BORCS5: variants seen among roughly 807,000 people sequenced by gnomAD.
BORCS5 encodes BLOC-1 related complex subunit 5, also known as BLOC-1-related complex subunit 5.
A neutral mutation model predicts 22.1 loss-of-function variants in BORCS5; 17 were observed. The observed-to-expected ratio is 0.77, with a 90% CI of 0.53 to 1.15. BORCS5 has a LOEUF of 1.15. Among genes scored for constraint, BORCS5 ranks in the 50% most tolerant of loss-of-function variants. The pLI, the probability that BORCS5 is intolerant of heterozygous loss-of-function variation, is 0.00. For missense variants in BORCS5, 247 were observed against 253.2 expected (o/e 0.98, Z 0.17); for synonymous variants, 117 against 99.8 (o/e 1.17, Z -1.03).
In BORCS5 at chr12:12,385,068, G is replaced by T. The variant is rs144635656; in HGVS notation, c.202+23719G>T. Among the ~76,000 whole-genome samples, 943 of 151,568 alleles carry T rather than the reference G, an allele frequency of 6.2e-3. 32 individuals carry two copies. Among genetic ancestry groups the T allele is most frequent in the African/African-American group, 0.022 (901 of 41,318 alleles). The stretch of plus-strand genomic sequence containing the variant: ...GTAAATGGCTCTGCGTGGCAGGGTA[G>T]CACATTCAAAGTTCAGGCCATTTTC... On this transcript the variant is annotated intron_variant, in intron 2 of 3. Coordinates refer to ENST00000314565, the MANE Select transcript of BORCS5 (RefSeq NM_058169.6).
At position 12,400,930 on chromosome 12, in the gene BORCS5, T is replaced by G. The variant is rs1046315270; in HGVS notation, c.203-34698T>G. ...GTTCTATATGTATCCTTCAGCTACT[T>G]GTGTAACTTTCTTTTTTCTTTTCCT... On this transcript the variant is annotated intron_variant, in intron 2 of 3. Transcript: ENST00000314565. Among the ~76,000 whole-genome samples, 4 of 152,244 alleles carry G rather than the reference T, an allele frequency of 2.6e-5. No homozygotes were observed. In the South Asian group the frequency reaches 8.3e-4, roughly 32 times the overall value.
At chr12:12,448,419 T>C (rs368446359) in intron 3 of BORCS5, among the ~76,000 whole-genome samples, 18 of 152,168 alleles carry the variant, frequency 1.2e-4, no homozygotes, top group East Asian at 5.8e-4. Flanking sequence ...TTTAACAATG[T>C]TGGCCAGCTG....
chr12:12,415,407 A>T (rs1277854958), intron 2 of BORCS5, among the ~76,000 whole-genome samples: 2 of 151,498 alleles, frequency 1.3e-5, no homozygotes, highest in Admixed American at 6.6e-5. Flanking sequence ...AAAACCAGTC[A>T]GGCGTGGCGG....
intron 2 of BORCS5, among the ~76,000 whole-genome samples, chr12:12,401,846 C>T (rs995521189): frequency 2.0e-5 from 3 of 151,754 alleles, no homozygotes; most frequent in African/African-American, 4.8e-5. Context: ...ATCACGAGGT[C>T]AGAAGATCGA....
intron 1 of BORCS5, 41 bp from the exon 2 acceptor site, chr12:12,361,165 G>T: frequency 6.3e-7 from 1 of 1,590,470 alleles, no homozygotes; most frequent in Non-Finnish European, 8.6e-7. Context: ...AGGCAGAGAT[G>T]CCTAATATGC....
rs575215704 is a variant in BORCS5, at chr12:12,378,061, A to T, written c.202+16712A>T. Among the ~76,000 whole-genome samples the T allele has an allele frequency of 2.0e-5, 3 of 152,352 alleles. No individual in the cohort carries two copies. The South Asian group carries it at 6.2e-4, about 32-fold the overall frequency. On this transcript the variant is annotated intron_variant, in intron 2 of 3. Coordinates refer to ENST00000314565, the MANE Select transcript of BORCS5 (RefSeq NM_058169.6). Reference sequence around the variant, plus strand: ...TTAAAGATGATTGCTCTTTGATTTTAAAATACTTCTGTTTTAAAGTCTATT... The same window carrying T: ...TTAAAGATGATTGCTCTTTGATTTTTAAATACTTCTGTTTTAAAGTCTATT...
chr12:12,401,695 G>C (rs1345672929), intron 2 of BORCS5, among the ~76,000 whole-genome samples: 1 of 151,942 alleles, frequency 6.6e-6, no homozygotes, highest in Non-Finnish European at 1.5e-5. Context: ...ATTAAAATTT[G>C]TCATTTTATA....
intron 2 of BORCS5, among the ~76,000 whole-genome samples, chr12:12,405,519 A>G (rs982638917): frequency 6.6e-6 from 1 of 152,144 alleles, no homozygotes; most frequent in African/African-American, 2.4e-5. Flanking sequence ...TTTTTACTTT[A>G]CTTACTTAGT....
chr12:12,409,173 C>CT (rs1199271797), intron 2 of BORCS5, among the ~76,000 whole-genome samples: 1 of 151,834 alleles, frequency 6.6e-6, no homozygotes, highest in African/African-American at 2.4e-5. Flanking sequence ...TTGCCCTTCC[C>CT]TAATGATTAG....
intron 2 of BORCS5, among the ~76,000 whole-genome samples, chr12:12,416,023 G>A (rs1353346101): frequency 6.6e-6 from 1 of 152,088 alleles, no homozygotes; most frequent in African/African-American, 2.4e-5. Flanking sequence ...GGTCTATTCA[G>A]AGTTTCTATG....
chr12:12,420,222 A>T (rs577031027), intron 2 of BORCS5, among the ~76,000 whole-genome samples: 4 of 150,348 alleles, frequency 2.7e-5, no homozygotes, highest in African/African-American at 2.5e-5. Context: ...TAATTTTTGT[A>T]TAAGGTGTAA....
At chr12:12,448,506 T>C (rs998850861) in intron 3 of BORCS5, among the ~76,000 whole-genome samples, 21 of 151,628 alleles carry the variant, frequency 1.4e-4, no homozygotes, top group African/African-American at 4.1e-4. Flanking sequence ...TGAGTCACCG[T>C]GCCTGACCTT....
At chr12:12,390,801 T>C (rs1023682338) in intron 2 of BORCS5, among the ~76,000 whole-genome samples, 1 of 146,032 alleles carries the variant, frequency 6.8e-6, no homozygotes, top group Non-Finnish European at 1.5e-5. Context: ...AAAAAAAAAA[T>C]TATGGTCAAA....
rs1364115559 is a variant in BORCS5, at chr12:12,357,232, C to T, written c.-220C>T. On this transcript the variant is annotated 5_prime_UTR_variant, in exon 1 of 4. Coordinates refer to ENST00000314565, the MANE Select transcript of BORCS5 (RefSeq NM_058169.6). ...GGGCTAGCCGCGTGCGTTCGCGCCG[C>T]GCCTCCTTGCGTTTCTGTTCCCCAA... 14 of 1,474,032 alleles carry T rather than the reference C, an allele frequency of 9.5e-6. No homozygotes were observed. The highest frequency in any genetic ancestry group is 1.4e-5 in the African/African-American group (1 of 70,912). The allele number at this position is 1,474,032 out of a possible 1,614,324, so 91.3% of individuals were successfully genotyped here.
At chr12:12,394,174 A>T (rs965228128) in intron 2 of BORCS5, among the ~76,000 whole-genome samples, 1 of 151,882 alleles carries the variant, frequency 6.6e-6, no homozygotes, top group Non-Finnish European at 1.5e-5. Flanking sequence ...AAAAATACAA[A>T]AATGAGCCTG....
At chr12:12,422,309 A>T (rs1240527506) in intron 2 of BORCS5, among the ~76,000 whole-genome samples, 1 of 151,922 alleles carries the variant, frequency 6.6e-6, no homozygotes, top group Non-Finnish European at 1.5e-5. Flanking sequence ...AAGTGAAAAC[A>T]AGTTTATTAA....
chr12:12,404,258 G>C (rs978943702), intron 2 of BORCS5, among the ~76,000 whole-genome samples: 8 of 152,164 alleles, frequency 5.3e-5, no homozygotes, highest in Non-Finnish European at 1.0e-4. Context: ...TTTAGCCAAG[G>C]CCCAAGGGAG....
intron 2 of BORCS5, among the ~76,000 whole-genome samples, chr12:12,427,616 G>A (rs184863602): frequency 6.6e-6 from 1 of 152,102 alleles, no homozygotes; most frequent in Non-Finnish European, 1.5e-5. Flanking sequence ...TATTGTTTTT[G>A]GGGGTATCAT....
intron 2 of BORCS5, among the ~76,000 whole-genome samples, chr12:12,373,981 CTTTT>C (rs926893487): frequency 2.2e-5 from 2 of 89,798 alleles, no homozygotes; most frequent in African/African-American, 5.0e-5. Flanking sequence ...AGAGAGTATT[CTTTT>C]TTTTTTTTTT....
Sources: allele counts gnomAD v4.1 joint callset (sites outside exome capture counted in the v4.1 genomes callset), GRCh38; gene constraint gnomAD v4.1.1; transcripts MANE v1.5; gene names NCBI Gene and HGNC (gene_info 2026-07-23, HGNC 2026-07-21).